The following WWOX variants were observed in gnomAD, a reference collection of about 807,000 sequenced individuals.
WWOX encodes WW domain containing oxidoreductase.
WWOX carries 69 observed loss-of-function variants against 46.2 expected under a neutral mutation model. The ratio of observed to expected loss-of-function variants is 1.49; its 90% CI spans 1.23 to 1.82. The LOEUF (loss-of-function observed/expected upper bound fraction) is 1.82, where lower values mean the gene tolerates loss of function less well. WWOX is among the 40% of genes most tolerant of loss of function. The probability of loss-of-function intolerance (pLI) is 0.00; values close to 1 mark genes in which losing one functional copy is unlikely to be tolerated. For synonymous variants in WWOX, 359 were observed against 202.6 expected, an observed-to-expected ratio of 1.77 and a Z score of -6.56; for missense variants, 919 against 542.6, an observed-to-expected ratio of 1.69 and a Z score of -6.89.
intron 8 of WWOX, among the ~76,000 whole-genome samples, chr16:78,959,764 A>T (rs770400026): frequency 6.6e-6 from 1 of 152,226 alleles, no homozygotes; most frequent in Non-Finnish European, 1.5e-5. Context: ...ATATTGATGA[A>T]TCCGAGACAA....
chr16:79,029,220 C>A (rs1048629990), intron 8 of WWOX, among the ~76,000 whole-genome samples: 9 of 152,282 alleles, frequency 5.9e-5, no homozygotes, highest in African/African-American at 2.2e-4. Flanking sequence ...TTTGCCCCAC[C>A]CCGTCACGGC....
At chr16:78,540,390 C>A (rs771054299) in intron 8 of WWOX, among the ~76,000 whole-genome samples, 1 of 152,128 alleles carries the variant, frequency 6.6e-6, no homozygotes, top group Non-Finnish European at 1.5e-5. Flanking sequence ...TTTCCCCTTG[C>A]ATGTTGCGTG....
chr16:78,829,195 A>G (rs2151155308), intron 8 of WWOX, among the ~76,000 whole-genome samples: 1 of 152,310 alleles, frequency 6.6e-6, no homozygotes, highest in South Asian at 2.1e-4. Flanking sequence ...GATTTTTAGG[A>G]ACTGGCGAAT....
At chr16:78,504,110 T>G (rs1273874256) in intron 8 of WWOX, among the ~76,000 whole-genome samples, 1 of 152,200 alleles carries the variant, frequency 6.6e-6, no homozygotes, top group East Asian at 1.9e-4. Context: ...CTATTAAGTT[T>G]TAATGACTTC....
intron 8 of WWOX, among the ~76,000 whole-genome samples, chr16:78,703,570 G>C (rs1341172183): frequency 6.6e-6 from 1 of 152,006 alleles, no homozygotes; most frequent in Non-Finnish European, 1.5e-5. Flanking sequence ...AGTGAGCCCT[G>C]GTCTCACCAC....
chr16:78,424,350 C>T (rs1011349659), intron 6 of WWOX, among the ~76,000 whole-genome samples: 3 of 152,014 alleles, frequency 2.0e-5, no homozygotes, highest in South Asian at 2.1e-4. Context: ...AAACTCCTGA[C>T]CTAAAATGGT....
At chr16:78,737,292 A>G (rs914893483) in intron 8 of WWOX, among the ~76,000 whole-genome samples, 1 of 149,316 alleles carries the variant, frequency 6.7e-6, no homozygotes, top group East Asian at 1.9e-4. Context: ...GTGTATATAT[A>G]TGTATATAAT....
At chr16:78,181,882 G>C (rs374499573) in intron 5 of WWOX, among the ~76,000 whole-genome samples, 1 of 152,022 alleles carries the variant, frequency 6.6e-6, no homozygotes, top group Admixed American at 6.6e-5. Flanking sequence ...AGGTATGGAA[G>C]GTCTTTATTT....
chr16:78,199,130 G>A (rs1306693976), intron 5 of WWOX, among the ~76,000 whole-genome samples: 1 of 152,062 alleles, frequency 6.6e-6, no homozygotes, highest in Non-Finnish European at 1.5e-5. Context: ...TGGCTAACAC[G>A]GTGAAACCCC....
intron 5 of WWOX, among the ~76,000 whole-genome samples, chr16:78,224,426 A>G (rs1205662193): frequency 3.3e-5 from 5 of 152,140 alleles, no homozygotes; most frequent in Admixed American, 1.3e-4. Context: ...GCCAGCCAAA[A>G]AAAGAAAATG....
At chr16:78,418,546 A>G (rs2082851690) in intron 6 of WWOX, among the ~76,000 whole-genome samples, 1 of 152,192 alleles carries the variant, frequency 6.6e-6, no homozygotes, top group Non-Finnish European at 1.5e-5. Context: ...TAGAGATGCA[A>G]CAATTTTGTA....
intron 4 of WWOX, among the ~76,000 whole-genome samples, chr16:78,131,270 C>T (rs1283911934): frequency 1.3e-5 from 2 of 152,148 alleles, no homozygotes; most frequent in African/African-American, 4.8e-5. Context: ...TTCAGTGCAT[C>T]AGCGTGATCA....
chr16:78,600,533 C>T (rs1490646177), intron 8 of WWOX, among the ~76,000 whole-genome samples: 1 of 152,136 alleles, frequency 6.6e-6, no homozygotes, highest in Non-Finnish European at 1.5e-5. Context: ...AAGATGAGGG[C>T]AGGATACCAC....
chr16:78,853,071 T>C (rs1040666691), intron 8 of WWOX, among the ~76,000 whole-genome samples: 3 of 152,292 alleles, frequency 2.0e-5, no homozygotes, highest in South Asian at 4.1e-4. Flanking sequence ...GAATACCTGA[T>C]GGGGTTAGTG....
chr16:78,715,566 C>T (rs1002551855), intron 8 of WWOX, among the ~76,000 whole-genome samples: 1 of 151,696 alleles, frequency 6.6e-6, no homozygotes, highest in Non-Finnish European at 1.5e-5. Context: ...TCATTGCAAC[C>T]TCCGCCTCTT....
intron 7 of WWOX, among the ~76,000 whole-genome samples, chr16:78,430,818 G>A (rs1481819805): frequency 1.3e-5 from 2 of 152,148 alleles, no homozygotes; most frequent in South Asian, 2.1e-4. Flanking sequence ...CGAGTCCTGT[G>A]GAAGGGATAT....
intron 8 of WWOX, among the ~76,000 whole-genome samples, chr16:79,043,321 G>A (rs545146032): frequency 6.6e-6 from 1 of 152,072 alleles, no homozygotes. Context: ...CAGAAATTAG[G>A]ATTAAAAAAA....
chr16:78,464,939 C>G (rs561449614), intron 8 of WWOX, among the ~76,000 whole-genome samples: 5 of 152,322 alleles, frequency 3.3e-5, no homozygotes, highest in African/African-American at 9.6e-5. Context: ...TCAGTCGTTT[C>G]ACCTGGCTGG....
At chr16:78,638,831 G>C (rs911613493) in intron 8 of WWOX, among the ~76,000 whole-genome samples, 1 of 152,116 alleles carries the variant, frequency 6.6e-6, no homozygotes, top group African/African-American at 2.4e-5. Context: ...CACAGTTGTA[G>C]CTCCTGTGAA....
Sources: gnomAD v4.1 joint callset for allele counts (sites outside exome capture counted in the v4.1 genomes callset) on GRCh38, gnomAD v4.1.1 for gene constraint, MANE v1.5 for transcripts, NCBI Gene and HGNC (gene_info 2026-07-23, HGNC 2026-07-21) for gene names.